The following MALL variants were observed in gnomAD, a reference collection of about 807,000 sequenced individuals.
MALL encodes the protein mal, T cell differentiation protein like.
MALL carries 2 observed loss-of-function variants against 10.3 expected under a neutral mutation model. The ratio of observed to expected loss-of-function variants is 0.19; its 90% CI spans 0.08 to 0.61. The LOEUF is 0.61. Ranked by LOEUF, MALL falls within the 20% of genes least tolerant of loss-of-function variation. The pLI is 0.88. For synonymous variants in MALL, 27 were observed against 51.8 expected, an observed-to-expected ratio of 0.52 and a Z score of 2.05; for missense variants, 39 against 115.2, an observed-to-expected ratio of 0.34 and a Z score of 3.03.
At chr2:110,110,812 A>T (rs1368594452) in intron 1 of MALL, among the ~76,000 whole-genome samples, 1 of 152,144 alleles carries the variant, frequency 6.6e-6, no homozygotes, top group Non-Finnish European at 1.5e-5. Flanking sequence ...AGATGCTAAA[A>T]TCCTTAACAA....
chr2:110,099,925 C>T (rs1678526564), intron 1 of MALL, among the ~76,000 whole-genome samples: 1 of 152,114 alleles, frequency 6.6e-6, no homozygotes, highest in Non-Finnish European at 1.5e-5. Context: ...AGGCCAGTCC[C>T]AGCCAGCGAC....
intron 1 of MALL, among the ~76,000 whole-genome samples, chr2:110,099,090 C>T (rs1393877321): frequency 2.6e-5 from 4 of 152,180 alleles, no homozygotes; most frequent in African/African-American, 9.7e-5. Flanking sequence ...AGTCACAGCT[C>T]TGTCAAACAG....
At chr2:110,107,308 C>T (rs571469483) in intron 1 of MALL, among the ~76,000 whole-genome samples, 7 of 152,188 alleles carry the variant, frequency 4.6e-5, no homozygotes, top group African/African-American at 1.7e-4. Flanking sequence ...TTTTCAAACC[C>T]ATCTTGCCCT....
intron 1 of MALL, among the ~76,000 whole-genome samples, chr2:110,100,054 G>A (rs1365574695): frequency 6.6e-6 from 1 of 151,914 alleles, no homozygotes; most frequent in Admixed American, 6.6e-5. Flanking sequence ...CCAAACTCAG[G>A]ACACCCACCC....
intron 1 of MALL, among the ~76,000 whole-genome samples, chr2:110,114,268 G>T (rs1004124305): frequency 2.0e-5 from 3 of 152,072 alleles, no homozygotes; most frequent in African/African-American, 7.2e-5. Flanking sequence ...GAGTTCAGAT[G>T]GTCCCTCCTT....
chr2:110,099,270 G>T (rs191455124), intron 1 of MALL, among the ~76,000 whole-genome samples: 7 of 152,252 alleles, frequency 4.6e-5, no homozygotes, highest in Admixed American at 3.9e-4. Flanking sequence ...CTTGACCTCA[G>T]CTGGGAATGT....
At chr2:110,114,870 G>A (rs140944362) in intron 1 of MALL, among the ~76,000 whole-genome samples, 3 of 152,108 alleles carry the variant, frequency 2.0e-5, no homozygotes, top group Admixed American at 6.5e-5. Context: ...GCCTTGATTG[G>A]ACCCCAGGCT....
chr2:110,104,190 C>T (rs1266310426), intron 1 of MALL, among the ~76,000 whole-genome samples: 1 of 152,120 alleles, frequency 6.6e-6, no homozygotes, highest in Non-Finnish European at 1.5e-5. Flanking sequence ...GCATCGCTGC[C>T]CCTCTGTCCC....
At chr2:110,108,267 T>C (rs556374737) in intron 1 of MALL, among the ~76,000 whole-genome samples, 2 of 152,016 alleles carry the variant, frequency 1.3e-5, no homozygotes, top group Admixed American at 1.3e-4. Context: ...TGAAGCCCAA[T>C]GCAAAGGAAG....
intron 1 of MALL, among the ~76,000 whole-genome samples, chr2:110,095,678 C>T (rs963297525): frequency 6.6e-5 from 10 of 150,576 alleles, no homozygotes; most frequent in Non-Finnish European, 8.9e-5. Context: ...TAAATCTAAT[C>T]GCGTCATCAT....
At chr2:110,103,441 G>A (rs1015717401) in intron 1 of MALL, among the ~76,000 whole-genome samples, 17 of 152,110 alleles carry the variant, frequency 1.1e-4, no homozygotes, top group African/African-American at 1.7e-4. Flanking sequence ...CAGGGTGCTC[G>A]AGCTCCTCCG....
At chr2:110,106,377 G>T (rs926208587) in intron 1 of MALL, among the ~76,000 whole-genome samples, 2 of 152,112 alleles carry the variant, frequency 1.3e-5, no homozygotes, top group African/African-American at 4.8e-5. Flanking sequence ...AGCAGGGCAC[G>T]GGTGTGAGCC....
chr2:110,095,988 G>C (rs1018695908), intron 1 of MALL, among the ~76,000 whole-genome samples: 7 of 152,178 alleles, frequency 4.6e-5, no homozygotes, highest in Admixed American at 3.3e-4. Flanking sequence ...AACTTATTTG[G>C]TCACTTTTGG....
chr2:110,107,874 A>G (rs747917462), intron 1 of MALL, among the ~76,000 whole-genome samples: 6 of 152,214 alleles, frequency 3.9e-5, no homozygotes, highest in Non-Finnish European at 7.3e-5. Context: ...CTCTGTGCAG[A>G]CAATCCAGAG....
rs73956202 is a variant in MALL at position 110,103,747 on chromosome 2, T to C, written c.105+11941A>G. On this transcript the variant is annotated intron_variant, in intron 1 of 3. Coordinates refer to ENST00000272462, the MANE Select transcript of MALL (RefSeq NM_005434.5). ...CGGGTGGGCTGGCCTTCTGACAGTG[T>C]GCTTGGTTGCCTGTCTTGGCCAAGT... Among the ~76,000 whole-genome samples, 404 of 152,312 alleles carry C rather than the reference T, an allele frequency of 2.7e-3. 4 individuals are homozygous for C. Among genetic ancestry groups the C allele is most frequent in the African/African-American group, 9.6e-3 (397 of 41,570 alleles).
intron 1 of MALL, among the ~76,000 whole-genome samples, chr2:110,111,104 C>A (rs758606501): frequency 6.6e-6 from 1 of 152,092 alleles, no homozygotes; most frequent in African/African-American, 2.4e-5. Context: ...AAACCCACAG[C>A]CAACGTAATA....
At chr2:110,109,741 C>T (rs1475537203) in intron 1 of MALL, among the ~76,000 whole-genome samples, 1 of 152,100 alleles carries the variant, frequency 6.6e-6, no homozygotes, top group African/African-American at 2.4e-5. Context: ...ACTGACAGAA[C>T]ATTTCATCCA....
intron 1 of MALL, among the ~76,000 whole-genome samples, chr2:110,110,057 A>G (rs12477779): frequency 0.45 from 68,779 of 152,004 alleles, 18,253 homozygotes; most frequent in Non-Finnish European, 0.59. Context: ...AACCTCTGGT[A>G]TATAGCAAAG....
At chr2:110,096,112 C>T (rs1038436672) in intron 1 of MALL, among the ~76,000 whole-genome samples, 6 of 152,134 alleles carry the variant, frequency 3.9e-5, no homozygotes, top group African/African-American at 9.7e-5. Flanking sequence ...ACCCTCCGGG[C>T]GGCACTCCAA....
Sources: allele counts gnomAD v4.1 joint callset (sites outside exome capture counted in the v4.1 genomes callset), GRCh38; gene constraint gnomAD v4.1.1; transcripts MANE v1.5; gene names NCBI Gene and HGNC (gene_info 2026-07-23, HGNC 2026-07-21).